Variants in NTM observed in about 807,000 individuals in gnomAD.
NTM encodes the protein IgLON family member 2.
A neutral mutation model predicts 42.1 loss-of-function variants in NTM; 13 were observed. The observed-to-expected ratio is 0.31, with a 90% CI of 0.20 to 0.49. The LOEUF is 0.49. NTM is among the 20% of genes least tolerant of loss of function. The pLI is 0.99. For missense variants in NTM, 373 were observed against 452.8 expected (o/e 0.82, Z 1.60); for synonymous variants, 187 against 179.2 (o/e 1.04, Z -0.35).
At chr11:131,439,111 G>A (rs1383188381) in intron 1 of NTM, among the ~76,000 whole-genome samples, 1 of 152,194 alleles carries the variant, frequency 6.6e-6, no homozygotes, top group Non-Finnish European at 1.5e-5. Flanking sequence ...GGTATCACCA[G>A]CGGAGGCTGC....
chr11:131,600,600 C>T (rs540568940), intron 1 of NTM, among the ~76,000 whole-genome samples: 2 of 152,208 alleles, frequency 1.3e-5, no homozygotes, highest in African/African-American at 4.8e-5. Flanking sequence ...TTTGCATTTA[C>T]CGTTCCTCTG....
intron 1 of NTM, among the ~76,000 whole-genome samples, chr11:131,715,655 T>G (rs748605500): frequency 2.6e-5 from 4 of 152,166 alleles, no homozygotes; most frequent in Admixed American, 6.5e-5. Context: ...TCCTCCTCCT[T>G]CTATCCCCTC....
intron 2 of NTM, among the ~76,000 whole-genome samples, chr11:131,980,522 A>C (rs898874066): frequency 6.6e-5 from 10 of 152,222 alleles, no homozygotes; most frequent in African/African-American, 2.2e-4. Flanking sequence ...GAATTTTCTT[A>C]AGGAATTCTA....
At chr11:131,752,935 C>A (rs1413619705) in intron 1 of NTM, among the ~76,000 whole-genome samples, 1 of 152,082 alleles carries the variant, frequency 6.6e-6, no homozygotes, top group Non-Finnish European at 1.5e-5. Flanking sequence ...AAAGAAACTA[C>A]CATCAGAGTG....
At chr11:131,391,329 G>T (rs1408238005) in intron 1 of NTM, among the ~76,000 whole-genome samples, 1 of 152,018 alleles carries the variant, frequency 6.6e-6, no homozygotes, top group Non-Finnish European at 1.5e-5. Context: ...GCAACTACCA[G>T]CCTGGCAGGG....
At chr11:131,508,995 C>T (rs1057173924) in intron 1 of NTM, among the ~76,000 whole-genome samples, 7 of 151,586 alleles carry the variant, frequency 4.6e-5, no homozygotes, top group African/African-American at 1.5e-4. Flanking sequence ...TGTAACTAAC[C>T]TGCACAATGT....
intron 1 of NTM, among the ~76,000 whole-genome samples, chr11:131,837,775 TG>T (rs1351799621): frequency 6.6e-6 from 1 of 151,798 alleles, no homozygotes; most frequent in African/African-American, 2.4e-5. Context: ...GGCCCCACGC[TG>T]GGGGAGCCAC....
At chr11:132,275,706 A>ATATATGTATATATATACGTATATATACG (rs1293971149) in intron 4 of NTM, among the ~76,000 whole-genome samples, 1 of 133,560 alleles carries the variant, frequency 7.5e-6, no homozygotes, top group East Asian at 2.1e-4. Context: ...ATATATGTAT[A>ATATATGTATATATATACGTATATATACG]TATATATGTA....
intron 3 of NTM, among the ~76,000 whole-genome samples, chr11:132,151,327 A>C (rs746500251): frequency 6.6e-6 from 1 of 152,224 alleles, no homozygotes; most frequent in Non-Finnish European, 1.5e-5. Context: ...TGTGTTTCTA[A>C]GAACCCATGA....
chr11:131,526,748 A>C (rs572271002), intron 1 of NTM, among the ~76,000 whole-genome samples: 43 of 152,350 alleles, frequency 2.8e-4, no homozygotes, highest in East Asian at 1.3e-3. Flanking sequence ...TCTCCACCAC[A>C]GTGGCATTTA....
At chr11:131,609,394 G>A (rs1210364426) in intron 1 of NTM, among the ~76,000 whole-genome samples, 1 of 152,212 alleles carries the variant, frequency 6.6e-6, no homozygotes, top group Non-Finnish European at 1.5e-5. Context: ...GACTGAGTCT[G>A]AGAGAATGCA....
intron 3 of NTM, among the ~76,000 whole-genome samples, chr11:132,166,233 G>A (rs1591956577): frequency 1.3e-5 from 2 of 152,260 alleles, no homozygotes; most frequent in East Asian, 3.9e-4. Flanking sequence ...GAATCACTTA[G>A]TTCCAGGTGT....
intron 2 of NTM, among the ~76,000 whole-genome samples, chr11:132,046,377 A>G (rs1329289081): frequency 1.4e-5 from 2 of 145,084 alleles, no homozygotes; most frequent in Non-Finnish European, 3.0e-5. Context: ...TAAATAAGAA[A>G]AAGGAAAAGA....
chr11:131,474,417 A>G (rs1401532350), intron 1 of NTM, among the ~76,000 whole-genome samples: 1 of 151,934 alleles, frequency 6.6e-6, no homozygotes, highest in Non-Finnish European at 1.5e-5. Context: ...TTAAAGTCTC[A>G]TTTACATACT....
intron 1 of NTM, among the ~76,000 whole-genome samples, chr11:131,630,973 A>G (rs2063595956): frequency 6.6e-6 from 1 of 152,138 alleles, no homozygotes; most frequent in Admixed American, 6.5e-5. Flanking sequence ...CTCAATTATT[A>G]TTGTCTCATA....
intron 4 of NTM, among the ~76,000 whole-genome samples, chr11:132,287,090 C>T (rs1591758026): frequency 1.3e-5 from 2 of 152,162 alleles, no homozygotes; most frequent in Non-Finnish European, 1.5e-5. Flanking sequence ...CTCAGGCTGT[C>T]GATGGCAGAG....
chr11:131,865,192 C>T (rs1328817913), intron 1 of NTM, among the ~76,000 whole-genome samples: 2 of 152,212 alleles, frequency 1.3e-5, no homozygotes, highest in Non-Finnish European at 2.9e-5. Context: ...TTAGAAAGAT[C>T]GAGTAGCCTA....
chr11:131,464,370 C>A (rs997906818), intron 1 of NTM, among the ~76,000 whole-genome samples: 50 of 150,412 alleles, frequency 3.3e-4, no homozygotes, highest in South Asian at 3.2e-3. Context: ...GGGGGGGGGG[C>A]AGCAACAAGG....
intron 1 of NTM, chr11:131,663,026 T>A (rs187338577): frequency 1.5e-4 from 23 of 152,270 alleles, no homozygotes; most frequent in African/African-American, 5.1e-4. Context: ...ACCTACCTAA[T>A]AAACAACACA....
Sources: allele counts gnomAD v4.1 joint callset (sites outside exome capture counted in the v4.1 genomes callset), GRCh38; gene constraint gnomAD v4.1.1; transcripts MANE v1.5; gene names NCBI Gene and HGNC (gene_info 2026-07-23, HGNC 2026-07-21).